The following PDE4D variants were observed in gnomAD, a reference collection of about 807,000 sequenced individuals.
The protein encoded by PDE4D is 3',5'-cyclic-AMP phosphodiesterase 4D.
A neutral mutation model predicts 87.4 loss-of-function variants in PDE4D; 24 were observed. That is an observed-to-expected ratio of 0.27 (90% CI 0.20 to 0.39). The LOEUF is 0.39. Among genes scored for constraint, PDE4D ranks in the 10% least tolerant of loss-of-function variants. PDE4D has a pLI of 1.00. For missense variants in PDE4D, 714 were observed against 1,041.0 expected, an observed-to-expected ratio of 0.69 and a Z score of 4.32; for synonymous variants, 384 against 383.2, an observed-to-expected ratio of 1.00 and a Z score of -0.02.
At chr5:59,557,834 A>T in intron 1 of PDE4D, among the ~76,000 whole-genome samples, 1 of 152,226 alleles carries the variant, frequency 6.6e-6, no homozygotes, top group East Asian at 1.9e-4. Context: ...GAAAGTATAA[A>T]CAGAAAAGGC....
At chr5:59,152,025 T>C (rs1779549102) in intron 5 of PDE4D, among the ~76,000 whole-genome samples, 1 of 152,042 alleles carries the variant, frequency 6.6e-6, no homozygotes, top group Admixed American at 6.6e-5. Flanking sequence ...AGATAAAATT[T>C]GAGGGAGGCA....
At chr5:59,288,297 C>G (rs1008723607) in intron 1 of PDE4D, among the ~76,000 whole-genome samples, 3 of 151,380 alleles carry the variant, frequency 2.0e-5, no homozygotes, top group Non-Finnish European at 4.4e-5. Context: ...TTAAAACACG[C>G]AACTGACATA....
Position 58,973,792 on chromosome 5 carries a change from G to GAAAGACTT in PDE4D, c.*871_*872insAAGTCTTT, listed in dbSNP as rs1554032318. 6.6e-6 allele frequency: 1 copy of GAAAGACTT among 152,310 alleles called. No homozygotes were observed. The highest frequency in any genetic ancestry group is 1.5e-5 in the Non-Finnish European group (1 of 67,974). 9.4% of individuals were successfully genotyped at this position (152,310 alleles called of 1,614,324 possible). A position where few individuals can be genotyped will look rare whatever the true frequency, so the allele number is the denominator to read the frequency against. ...AACAAAATGCAAAGTAAATAATAAAGACTTACAAAAAGGGTTTCCTGCAAC... is the reference window on the plus strand; with the variant it reads ...AACAAAATGCAAAGTAAATAATAAAGAAAGACTTACTTACAAAAAGGGTTTCCTGCAAC... On this transcript the variant is annotated 3_prime_UTR_variant, in exon 15 of 15. Transcript: ENST00000340635.
At chr5:59,212,513 T>C (rs940269575) in intron 2 of PDE4D, among the ~76,000 whole-genome samples, 1 of 152,100 alleles carries the variant, frequency 6.6e-6, no homozygotes, top group Non-Finnish European at 1.5e-5. Flanking sequence ...TAAAGAACTC[T>C]TGAGGCACAC....
At chr5:60,457,577 GA>G (rs1746571459) in intron 1 of PDE4D, among the ~76,000 whole-genome samples, 1 of 152,128 alleles carries the variant, frequency 6.6e-6, no homozygotes. Context: ...TCCTATGTAA[GA>G]GTGAATAGTA....
chr5:59,401,074 T>G (rs1304486351), intron 1 of PDE4D, among the ~76,000 whole-genome samples: 3 of 152,202 alleles, frequency 2.0e-5, no homozygotes, highest in Non-Finnish European at 4.4e-5. Flanking sequence ...CTTTGTTTCA[T>G]GCACAAAATT....
At chr5:60,396,831 G>A (rs938865648) in intron 1 of PDE4D, among the ~76,000 whole-genome samples, 36 of 152,140 alleles carry the variant, frequency 2.4e-4, no homozygotes, top group African/African-American at 8.7e-4. Flanking sequence ...CTTGCTGGCC[G>A]ACTTATCCCA....
chr5:59,402,190 C>G lies in PDE4D; in HGVS notation c.456-186222G>C, dbSNP rs144596295. Among the ~76,000 whole-genome samples the G allele has an allele frequency of 2.9e-3, 436 of 152,288 alleles. 3 individuals are homozygous for G. The highest frequency in any genetic ancestry group is 0.01 in the Middle Eastern group (3 of 294). On this transcript the variant is annotated intron_variant, in intron 1 of 14. Coordinates refer to ENST00000340635, the MANE Select transcript of PDE4D (RefSeq NM_001104631.2). ...TTGCTTTTCCTAAGGAGGATCATCTCGTTTAAAGTGTGAATTCAAAAACTC... is the reference window on the plus strand; with the variant it reads ...TTGCTTTTCCTAAGGAGGATCATCTGGTTTAAAGTGTGAATTCAAAAACTC...
chr5:59,199,272 T>C (rs931610197), intron 2 of PDE4D, among the ~76,000 whole-genome samples: 1 of 133,216 alleles, frequency 7.5e-6, no homozygotes, highest in African/African-American at 2.7e-5. Context: ...TTTTTTTTTT[T>C]CAATGGCATG....
chr5:60,098,639 G>A (rs936466223), intron 2 of PDE4D, among the ~76,000 whole-genome samples: 9 of 151,958 alleles, frequency 5.9e-5, no homozygotes, highest in African/African-American at 9.7e-5. Flanking sequence ...ATCCTGCAAC[G>A]TTGCTGAATT....
At chr5:60,294,795 G>A (rs1218391355) in intron 1 of PDE4D, among the ~76,000 whole-genome samples, 2 of 152,006 alleles carry the variant, frequency 1.3e-5, no homozygotes, top group African/African-American at 2.4e-5. Flanking sequence ...ATTTTATAGA[G>A]TCAGGTAGAA....
At chr5:60,112,675 A>G (rs1163548786) in intron 2 of PDE4D, among the ~76,000 whole-genome samples, 1 of 152,080 alleles carries the variant, frequency 6.6e-6, no homozygotes, top group Admixed American at 6.6e-5. Context: ...TCATAAAACC[A>G]TCTGAATAGA....
chr5:60,337,709 G>A (rs1757936198), intron 1 of PDE4D, among the ~76,000 whole-genome samples: 1 of 151,874 alleles, frequency 6.6e-6, no homozygotes, highest in Admixed American at 6.6e-5. Context: ...TCCTCCCTTA[G>A]TATCACCAGA....
intron 1 of PDE4D, among the ~76,000 whole-genome samples, chr5:59,642,357 C>T (rs1290881491): frequency 1.3e-5 from 2 of 152,022 alleles, no homozygotes; most frequent in Admixed American, 1.3e-4. Context: ...ATATAGTTTT[C>T]TATGTCCCTC....
chr5:59,749,565 A>T (rs115856914), intron 1 of PDE4D, among the ~76,000 whole-genome samples: 4,196 of 152,190 alleles, frequency 0.028, 80 homozygotes, highest in Middle Eastern at 0.054. Flanking sequence ...ATTTCTCCTG[A>T]AACAGTTTGT....
intron 1 of PDE4D, among the ~76,000 whole-genome samples, chr5:59,793,637 G>T (rs919750062): frequency 2.6e-5 from 4 of 152,158 alleles, no homozygotes; most frequent in Non-Finnish European, 4.4e-5. Flanking sequence ...AAAAAGAAAA[G>T]AATGGTTTTA....
At chr5:60,046,204 G>T (rs1189095178) in intron 2 of PDE4D, among the ~76,000 whole-genome samples, 1 of 152,068 alleles carries the variant, frequency 6.6e-6, no homozygotes, top group Non-Finnish European at 1.5e-5. Context: ...TGTGATTTTT[G>T]TACATTGATT....
intron 1 of PDE4D, among the ~76,000 whole-genome samples, chr5:60,288,102 C>A (rs985538684): frequency 4.6e-5 from 7 of 152,244 alleles, no homozygotes; most frequent in Non-Finnish European, 8.8e-5. Context: ...TCTGTTCTAA[C>A]AGTGTGCTGT....
intron 1 of PDE4D, among the ~76,000 whole-genome samples, chr5:59,678,219 G>A (rs1748435064): frequency 6.6e-6 from 1 of 152,022 alleles, no homozygotes; most frequent in Non-Finnish European, 1.5e-5. Context: ...CATGGTAATA[G>A]TTTTTCACAA....
Sources: gnomAD v4.1 joint callset for allele counts (sites outside exome capture counted in the v4.1 genomes callset) on GRCh38, gnomAD v4.1.1 for gene constraint, MANE v1.5 for transcripts, NCBI Gene and HGNC (gene_info 2026-07-23, HGNC 2026-07-21) for gene names.